The following SHISAL1 variants were observed in gnomAD, a reference collection of about 807,000 sequenced individuals.
The protein encoded by SHISAL1 is protein shisa-like-1.
SHISAL1 carries 9 observed loss-of-function variants against 22.6 expected under a neutral mutation model. The observed-to-expected ratio is 0.40, with a 90% CI of 0.24 to 0.70. The LOEUF (loss-of-function observed/expected upper bound fraction) is 0.70. SHISAL1 is among the 30% of genes least tolerant of loss of function. SHISAL1 has a pLI of 0.39. For missense variants in SHISAL1, 246 were observed against 270.6 expected, an observed-to-expected ratio of 0.91 and a Z score of 0.64; for synonymous variants, 119 against 115.4, an observed-to-expected ratio of 1.03 and a Z score of -0.20.
rs1205806448 is a variant in SHISAL1, at chr22:44,243,709, A to ATTG, written c.*5973_*5975dup. 1 of 152,244 alleles carries ATTG rather than the reference A, an allele frequency of 6.6e-6. No individual in the cohort carries two copies. Among genetic ancestry groups the ATTG allele is most frequent in the Non-Finnish European group, 1.5e-5 (1 of 68,042 alleles). The allele number at this position is 152,244 out of a possible 1,614,324, so 9.4% of individuals were successfully genotyped here. Reference sequence around the variant, plus strand: ...CACTCCTTTATTAAAACCTAGGGACATTGTTATAAAAACTACTGTATATAA... The same window carrying ATTG: ...CACTCCTTTATTAAAACCTAGGGACATTGTTGTTATAAAAACTACTGTATATAA... On this transcript the variant is annotated 3_prime_UTR_variant, in exon 5 of 5. Coordinates refer to ENST00000381176, the MANE Select transcript of SHISAL1 (RefSeq NM_001099294.2).
intron 3 of SHISAL1, among the ~76,000 whole-genome samples, chr22:44,286,522 G>A (rs1264227915): frequency 6.6e-6 from 1 of 152,182 alleles, no homozygotes; most frequent in East Asian, 1.9e-4. Context: ...CCCGGCCTTT[G>A]CACAGGCCGT....
At chr22:44,315,878 G>T (rs1057040523), upstream of SHISAL1, among the ~76,000 whole-genome samples, 1 of 152,086 alleles carries the variant, frequency 6.6e-6, no homozygotes, top group African/African-American at 2.4e-5. Flanking sequence ...GCAGTTCCCC[G>T]GCCTCAGGTG....
chr22:44,296,200 C>G (rs1466999706), intron 3 of SHISAL1, among the ~76,000 whole-genome samples: 1 of 149,574 alleles, frequency 6.7e-6, no homozygotes, highest in Non-Finnish European at 1.5e-5. Context: ...CTCTTGTCAC[C>G]CAGGCTGGAG....
the SHISAL1 span, among the ~76,000 whole-genome samples, chr22:44,319,102 G>T: frequency 6.6e-6 from 1 of 152,266 alleles, no homozygotes; most frequent in East Asian, 1.9e-4. Flanking sequence ...TCCAGGCCAC[G>T]GAGGCAGAAC....
chr22:44,321,551 G>A, the SHISAL1 span, among the ~76,000 whole-genome samples: 2 of 152,148 alleles, frequency 1.3e-5, no homozygotes, highest in African/African-American at 4.8e-5. Context: ...CTAGAGTCTG[G>A]AGCCAGAACA....
rs2054980408 is a variant in SHISAL1 at position 44,244,384 on chromosome 22, A to C, written c.*5301T>G. ...TATCCCTGGGAGCCCATTACCATTT[A>C]TGGGACAGTGTCGTGAATGGTGCCT... On this transcript the variant is annotated 3_prime_UTR_variant, in exon 5 of 5. Transcript: ENST00000381176. 1 of 152,168 alleles carries C rather than the reference A, an allele frequency of 6.6e-6. No individual in the cohort carries two copies. Among genetic ancestry groups the C allele is most frequent in the Non-Finnish European group, 1.5e-5 (1 of 68,040 alleles). 9.4% of individuals were successfully genotyped at this position (152,168 alleles called of 1,614,324 possible). A position where few individuals can be genotyped will look rare whatever the true frequency, so the allele number is the denominator to read the frequency against.
intron 4 of SHISAL1, among the ~76,000 whole-genome samples, chr22:44,257,611 G>A (rs1306743385): frequency 6.6e-6 from 1 of 152,156 alleles, no homozygotes; most frequent in Non-Finnish European, 1.5e-5. Context: ...TCATTACCTA[G>A]ATAACAAAAT....
chr22:44,253,148 T>C (rs1193888678), intron 4 of SHISAL1, among the ~76,000 whole-genome samples: 2 of 152,078 alleles, frequency 1.3e-5, no homozygotes, highest in Non-Finnish European at 2.9e-5. Context: ...TTATGTGCAT[T>C]TTACCATAAT....
At chr22:44,260,326 C>T (rs1343025069) in intron 4 of SHISAL1, among the ~76,000 whole-genome samples, 1 of 152,192 alleles carries the variant, frequency 6.6e-6, no homozygotes, top group Non-Finnish European at 1.5e-5. Context: ...CGGTTACGGC[C>T]TGATTTGAGA....
Position 44,244,782 on chromosome 22 carries a change from G to A in SHISAL1, c.*4903C>T, listed in dbSNP as rs905877352. ...CAGGCACTCGGCAAGTATCTGAATA[G>A]GTGAGGGAAGCGCGTGTCATCGAAT... On this transcript the variant is annotated 3_prime_UTR_variant, in exon 5 of 5. Coordinates refer to ENST00000381176, the MANE Select transcript of SHISAL1 (RefSeq NM_001099294.2). 25 of 152,214 alleles carry A rather than the reference G, an allele frequency of 1.6e-4. No homozygotes were observed. The highest frequency in any genetic ancestry group is 6.0e-4 in the African/African-American group (25 of 41,440). 9.4% of individuals were successfully genotyped at this position (152,214 alleles called of 1,614,324 possible). A position where few individuals can be genotyped will look rare whatever the true frequency, so the allele number is the denominator to read the frequency against.
intron 4 of SHISAL1, among the ~76,000 whole-genome samples, chr22:44,257,716 C>T (rs546841470): frequency 1.3e-5 from 2 of 152,210 alleles, no homozygotes; most frequent in Admixed American, 6.5e-5. Flanking sequence ...GAAAGGGACT[C>T]GCCACCGTGC....
intron 1 of SHISAL1, among the ~76,000 whole-genome samples, chr22:44,311,482 A>T (rs534155259): frequency 6.6e-6 from 1 of 152,292 alleles, no homozygotes; most frequent in Admixed American, 6.5e-5. Flanking sequence ...CTGGGCTCTG[A>T]GTCCAAGTTA....
chr22:44,277,076 T>C (rs1466342225), intron 4 of SHISAL1, among the ~76,000 whole-genome samples: 2 of 152,222 alleles, frequency 1.3e-5, no homozygotes, highest in Non-Finnish European at 2.9e-5. Flanking sequence ...ATTCATCCAC[T>C]GAAACCCTTT....
rs116924960 is a variant in SHISAL1 at position 44,310,024 on chromosome 22, A to C, written c.-33+2727T>G. 5.0e-3 allele frequency among the ~76,000 whole-genome samples: 758 copies of C among 152,156 alleles called. 12 individuals are homozygous for C. Among genetic ancestry groups the C allele is most frequent in the East Asian group, 0.045 (233 of 5,180 alleles). On this transcript the variant is annotated intron_variant, in intron 1 of 4. Coordinates refer to ENST00000381176, the MANE Select transcript of SHISAL1 (RefSeq NM_001099294.2). This position sits in a 1 kb window ranked among gnomAD's most constrained non-coding sequence, Gnocchi z 4.0. ...AGGCAGCCAGAGTGTATGGCTGGAG[A>C]AGGACAGAGAAGCAGCCCGTTCGCC...
chr22:44,268,921 C>T (rs972639436), intron 4 of SHISAL1, among the ~76,000 whole-genome samples: 2 of 152,186 alleles, frequency 1.3e-5, no homozygotes, highest in Non-Finnish European at 2.9e-5. Flanking sequence ...GCACTGTGGC[C>T]TTGATCATCG....
Position 44,244,139 on chromosome 22 carries a change from A to T in SHISAL1, c.*5546T>A, listed in dbSNP as rs2054978465. On this transcript the variant is annotated 3_prime_UTR_variant, in exon 5 of 5. Transcript: ENST00000381176. The stretch of plus-strand genomic sequence containing the variant: ...GGAAGAAACTGCGTATGAGAAACTG[A>T]CATGCAATTCCAAGAAGAGGCTCTC... 1.3e-5 allele frequency: 2 copies of T among 152,224 alleles called. No individual in the cohort carries two copies. The highest frequency in any genetic ancestry group is 4.8e-5 in the African/African-American group (2 of 41,450). 9.4% of individuals were successfully genotyped at this position (152,224 alleles called of 1,614,324 possible).
intron 4 of SHISAL1, among the ~76,000 whole-genome samples, chr22:44,251,723 TCACCATGAGAA>T (rs1360531642): frequency 1.3e-5 from 2 of 152,180 alleles, no homozygotes; most frequent in African/African-American, 4.8e-5. Context: ...TGAGATTCAT[TCACCATGAGAA>T]CAGCATGGGA....
intron 2 of SHISAL1, 66 bp downstream of exon 2, chr22:44,300,813 C>A: frequency 6.4e-6 from 9 of 1,406,272 alleles, no homozygotes; most frequent in Non-Finnish European, 7.0e-6. Flanking sequence ...TGGGCCAGCA[C>A]GAATCTCAGG....
chr22:44,280,379 C>T (rs982265694), intron 4 of SHISAL1, among the ~76,000 whole-genome samples: 3 of 152,124 alleles, frequency 2.0e-5, no homozygotes, highest in Admixed American at 2.0e-4. Context: ...ACTGACCCTC[C>T]CTGGGCCCAA....
Sources: gnomAD v4.1 joint callset for allele counts (sites outside exome capture counted in the v4.1 genomes callset) on GRCh38, gnomAD v4.1.1 for gene constraint, Gnocchi (gnomAD v3.1) non-coding constraint, MANE v1.5 for transcripts, NCBI Gene and HGNC (gene_info 2026-07-23, HGNC 2026-07-21) for gene names.